Variants in CAPG observed in about 807,000 individuals in gnomAD.
The protein encoded by CAPG is macrophage-capping protein.
Under a neutral mutation model 44.6 loss-of-function variants are expected in CAPG, and 32 were observed. That is an observed-to-expected ratio of 0.72 (90% CI 0.54 to 0.96). CAPG has a LOEUF of 0.96. CAPG is among the 50% of genes least tolerant of loss of function. CAPG has a pLI of 0.00. For synonymous variants in CAPG, 175 were observed against 179.6 expected (o/e 0.97, Z 0.20); for missense variants, 412 against 438.3 (o/e 0.94, Z 0.54).
downstream of CAPG, among the ~76,000 whole-genome samples, chr2:85,392,404 AAAAG>A (rs200788345): frequency 3.3e-5 from 5 of 151,408 alleles, no homozygotes; most frequent in South Asian, 2.1e-4. Context: ...AAAAAAAAAA[AAAAG>A]AGCCTCCAGG....
intron 1 of CAPG, among the ~76,000 whole-genome samples, chr2:85,417,477 CTTTTT>C (rs1242085864): frequency 9.9e-6 from 1 of 101,054 alleles, no homozygotes; most frequent in South Asian, 3.3e-4. Context: ...TATCTCAGCT[CTTTTT>C]TTTTTTTTTT....
At chr2:85,403,122 A>G (rs1190977888) in intron 1 of CAPG, among the ~76,000 whole-genome samples, 1 of 152,176 alleles carries the variant, frequency 6.6e-6, no homozygotes, top group African/African-American at 2.4e-5. Flanking sequence ...AAACTGATTA[A>G]CAGAAAGAGA....
chr2:85,407,573 C>T (rs956622027), intron 1 of CAPG, among the ~76,000 whole-genome samples: 8 of 151,550 alleles, frequency 5.3e-5, no homozygotes, highest in Non-Finnish European at 8.8e-5. Context: ...ATTAGCTGGG[C>T]GTGGTGGCGC....
Position 85,402,167 on chromosome 2 carries a change from A to G in CAPG, c.-13-9T>C. 9 of 1,590,538 alleles carry G rather than the reference A, an allele frequency of 5.7e-6. No individual in the cohort carries two copies. The highest frequency in any genetic ancestry group is 7.7e-6 in the Non-Finnish European group (9 of 1,166,704). On this transcript the variant is annotated splice_polypyrimidine_tract_variant and intron_variant, in intron 1 of 9. Transcript: ENST00000263867. ...ACATGCTGTCTTCAGATCTGGAAAG[A>G]AAGAAGAAGCCATTATTATTACAAA...
At chr2:85,393,634 G>A (rs748566210), downstream of CAPG, among the ~76,000 whole-genome samples, 4 of 151,890 alleles carry the variant, frequency 2.6e-5, no homozygotes, top group Non-Finnish European at 4.4e-5. Flanking sequence ...GTGCAATCTC[G>A]GCTCACTGCA....
chr2:85,412,713 A>G (rs1306091817), upstream of CAPG, among the ~76,000 whole-genome samples: 1 of 152,124 alleles, frequency 6.6e-6, no homozygotes, highest in Non-Finnish European at 1.5e-5. Context: ...TAAAAAAGAA[A>G]AAAAAGGATA....
intron 1 of CAPG, among the ~76,000 whole-genome samples, chr2:85,415,469 CA>C (rs989244366): frequency 1.3e-5 from 2 of 152,200 alleles, no homozygotes; most frequent in African/African-American, 4.8e-5. Flanking sequence ...TCAGTTTTGA[CA>C]GATGCAACAC....
At chr2:85,414,714 G>A (rs1287422227), upstream of CAPG, among the ~76,000 whole-genome samples, 1 of 151,952 alleles carries the variant, frequency 6.6e-6, no homozygotes, top group East Asian at 1.9e-4. Context: ...TTATAGGCAT[G>A]AGCCACCGCA....
intron 5 of CAPG, among the ~76,000 whole-genome samples, chr2:85,400,246 G>GTGAATGGC (rs1686817026): frequency 6.6e-6 from 1 of 152,196 alleles, no homozygotes; most frequent in South Asian, 2.1e-4. Flanking sequence ...GACTGGATGG[G>GTGAATGGC]TGAATGGCTG....
At position 85,395,179 on chromosome 2, in the gene CAPG, G is replaced by A. The variant is rs1178481459; in HGVS notation, c.982-221C>T. ...AACAGACTGCTTCAAGGGCGTGGGT[G>A]CACAGTTTAATAAATGCCACCAACG... is the stretch of plus-strand genomic sequence containing the variant. On this transcript the variant is annotated intron_variant, in intron 9 of 9. Transcript: ENST00000263867. This position sits in a 1 kb window ranked among gnomAD's most constrained non-coding sequence, Gnocchi z 4.3. 6.6e-6 allele frequency among the ~76,000 whole-genome samples: 1 copy of A among 152,168 alleles called. No homozygotes were observed. Among genetic ancestry groups the A allele is most frequent in the Admixed American group, 6.5e-5 (1 of 15,280 alleles).
chr2:85,414,780 C>T (rs1573196237), upstream of CAPG, among the ~76,000 whole-genome samples: 3 of 152,168 alleles, frequency 2.0e-5, no homozygotes, highest in East Asian at 5.8e-4. Flanking sequence ...AACACCTGAC[C>T]CTTCTCTTCT....
Position 85,395,775 on chromosome 2 carries a change from C to T in CAPG, c.893-149G>A, listed in dbSNP as rs1459815448. 1.6e-6 allele frequency: 1 copy of T among 622,256 alleles called. No homozygotes were observed. The highest frequency in any genetic ancestry group is 1.9e-5 in the South Asian group (1 of 52,722). 38.5% of individuals were successfully genotyped at this position (622,256 alleles called of 1,614,324 possible). A position where few individuals can be genotyped will look rare whatever the true frequency, so the allele number is the denominator to read the frequency against. On this transcript the variant is annotated intron_variant, in intron 8 of 9. Transcript: ENST00000263867. The surrounding 1 kb of genome is among the most constrained non-coding windows in gnomAD (Gnocchi z 4.3). ...GGGGTCCCAAGAATGCCGAGGGGCT[C>T]TTTGGAGATGTGGAGTCAGTCCCTT...
rs190387824 is a variant in CAPG at position 85,401,441 on chromosome 2, G to A, written c.351+88C>T. 284 of 1,578,860 alleles carry A rather than the reference G, an allele frequency of 1.8e-4. No homozygotes were observed. In the African/African-American group the frequency reaches 3.3e-3, roughly 18 times the overall value. ...TGGGGACCCGGCTCCAAAGGCACCC[G>A]GGTCTTCTGCAGGGTGAGAACCAGC... On this transcript the variant is annotated intron_variant, in intron 4 of 9. Transcript: ENST00000263867.
At position 85,401,444 on chromosome 2, in the gene CAPG, T is replaced by A; in HGVS notation, c.351+85A>T. Reference sequence around the variant, plus strand: ...GGACCCGGCTCCAAAGGCACCCGGGTCTTCTGCAGGGTGAGAACCAGCCAG... The same window carrying A: ...GGACCCGGCTCCAAAGGCACCCGGGACTTCTGCAGGGTGAGAACCAGCCAG... On this transcript the variant is annotated intron_variant, in intron 4 of 9. Transcript: ENST00000263867. 3 of 1,581,206 alleles carry A rather than the reference T, an allele frequency of 1.9e-6. No individual in the cohort carries two copies. In the East Asian group the frequency reaches 6.8e-5, roughly 36 times the overall value.
At chr2:85,403,583 C>T (rs1241491999) in intron 1 of CAPG, among the ~76,000 whole-genome samples, 1 of 152,090 alleles carries the variant, frequency 6.6e-6, no homozygotes, top group African/African-American at 2.4e-5. Context: ...CATGAACATA[C>T]ACATACAAAA....
chr2:85,397,178 C>T (rs1456953109), intron 8 of CAPG, among the ~76,000 whole-genome samples: 1 of 152,094 alleles, frequency 6.6e-6, no homozygotes, highest in African/African-American at 2.4e-5. Flanking sequence ...ATCAGGGGTC[C>T]CAGAAGCCCC....
At chr2:85,403,092 A>G (rs1030032153) in intron 1 of CAPG, among the ~76,000 whole-genome samples, 24 of 152,228 alleles carry the variant, frequency 1.6e-4, no homozygotes, top group Middle Eastern at 3.4e-3. Context: ...TAAACCGATA[A>G]AATTGATAAA....
In CAPG at chr2:85,415,829, A is replaced by G. The variant is rs72831571; in HGVS notation, c.-14+2438T>C. ...CTACCTTGGAAGGTTGTGAGGATTC[A>G]ATGAAAGGCTGCTTTTTTTCTTTTT... On this transcript the variant is annotated intron_variant, in intron 1 of 5. Transcript: ENST00000409275. 4.0e-3 allele frequency among the ~76,000 whole-genome samples: 603 copies of G among 152,262 alleles called. 4 individuals carry two copies. Among genetic ancestry groups the G allele is most frequent in the South Asian group, 0.015 (71 of 4,828 alleles).
intron 1 of CAPG, among the ~76,000 whole-genome samples, chr2:85,415,994 G>A (rs1687543305): frequency 2.6e-5 from 4 of 152,156 alleles, no homozygotes; most frequent in Admixed American, 1.3e-4. Flanking sequence ...TGGGATTACA[G>A]GAGTGAGCCA....
Sources: allele counts gnomAD v4.1 joint callset (sites outside exome capture counted in the v4.1 genomes callset), GRCh38; gene constraint gnomAD v4.1.1; non-coding constraint Gnocchi (gnomAD v3.1); transcripts MANE v1.5; gene names NCBI Gene and HGNC (gene_info 2026-07-23, HGNC 2026-07-21).